Variants in ARHGEF4 observed in about 807,000 individuals in gnomAD.
ARHGEF4 encodes the protein APC-stimulated guanine nucleotide exchange factor 1.
A neutral mutation model predicts 162.0 loss-of-function variants in ARHGEF4; 119 were observed. That is an observed-to-expected ratio of 0.73 (90% CI 0.63 to 0.86). ARHGEF4 has a LOEUF of 0.86. Among genes scored for constraint, ARHGEF4 ranks in the 40% least tolerant of loss-of-function variants. The pLI is 0.00. For missense variants in ARHGEF4, 2,488 were observed against 2,456.0 expected (o/e 1.01, Z -0.28); for synonymous variants, 1,014 against 979.9 (o/e 1.03, Z -0.65).
chr2:130,964,586 T>TC (rs1684879508), intron 4 of ARHGEF4, among the ~76,000 whole-genome samples: 1 of 152,214 alleles, frequency 6.6e-6, no homozygotes, highest in Admixed American at 6.5e-5. Context: ...TGTGTTCCTT[T>TC]CCCCAAACTG....
rs899586999 is a variant in ARHGEF4 at position 130,917,484 on chromosome 2, C to T, written c.3538C>T (p.Leu1180Phe). ...GLGTVPWLRDLPGSENHMPWE... is the reference protein window; with the variant it reads ...GLGTVPWLRDFPGSENHMPWE... Reference sequence around the variant, plus strand: ...GGGCACAGTGCCCTGGCTCAGGGACCTTCCTGGGAGTGAGGTGAGTATCTG... The same window carrying T: ...GGGCACAGTGCCCTGGCTCAGGGACTTTCCTGGGAGTGAGGTGAGTATCTG... The change falls in exon 2 of 14, where the codon CTT (leucine) becomes TTT (phenylalanine). Residue 1180 changes from leucine (L) to phenylalanine (F), a missense_variant. Physicochemically the swap from Leu to Phe is conservative, Grantham distance 22. Coordinates refer to ENST00000409359, the MANE Select transcript of ARHGEF4 (RefSeq NM_001367493.1). The T allele has an allele frequency of 1.9e-6, 3 of 1,549,436 alleles. No individual in the cohort carries two copies. The African/African-American group carries it at 4.1e-5, about 21-fold the overall frequency.
chr2:130,920,479 G>T (rs115935989), intron 2 of ARHGEF4, among the ~76,000 whole-genome samples: 4 of 152,152 alleles, frequency 2.6e-5, no homozygotes, highest in African/African-American at 9.7e-5. Context: ...AGTACACTGC[G>T]CCATCAGACC....
At chr2:130,986,974 G>A (rs933541844) in intron 4 of ARHGEF4, among the ~76,000 whole-genome samples, 4 of 152,240 alleles carry the variant, frequency 2.6e-5, no homozygotes, top group African/African-American at 4.8e-5. Context: ...GCAGGGAATT[G>A]AGAATCCTTA....
intron 10 of ARHGEF4, 148 bp downstream of exon 10, chr2:131,042,092 TC>T: frequency 8.1e-7 from 1 of 1,240,496 alleles, no homozygotes; most frequent in Non-Finnish European, 1.1e-6. Flanking sequence ...TGAAAGCCTG[TC>T]CCCAGCGTGG....
At chr2:130,964,286 C>T (rs1684839764) in intron 4 of ARHGEF4, 2 of 984,674 alleles carry the variant, frequency 2.0e-6, no homozygotes, top group African/African-American at 1.7e-5. Context: ...CACGCGCCCT[C>T]CGCGCCCGGG....
chr2:131,001,315 A>C (rs1687747333), intron 4 of ARHGEF4, among the ~76,000 whole-genome samples: 2 of 151,278 alleles, frequency 1.3e-5, no homozygotes, highest in East Asian at 1.9e-4. Flanking sequence ...AAAAAAAAAA[A>C]AAAAAAAAAA....
intron 1 of ARHGEF4, among the ~76,000 whole-genome samples, chr2:130,852,177 GC>G (rs1371766855): frequency 1.3e-5 from 2 of 152,208 alleles, no homozygotes; most frequent in Non-Finnish European, 2.9e-5. Flanking sequence ...GCTCAGGCAG[GC>G]CCTCCCTTCT....
intron 11 of ARHGEF4, 102 bp downstream of exon 11, chr2:131,043,685 A>G: frequency 6.4e-7 from 1 of 1,551,192 alleles, no homozygotes; most frequent in Non-Finnish European, 8.8e-7. Context: ...CAGCCAGACC[A>G]TACCCGGGGA....
intron 4 of ARHGEF4, among the ~76,000 whole-genome samples, chr2:130,959,944 G>A (rs201285139): frequency 6.6e-6 from 1 of 152,238 alleles, no homozygotes; most frequent in East Asian, 1.9e-4. Flanking sequence ...GAATTTCATT[G>A]ACCACCTTCA....
intron 4 of ARHGEF4, among the ~76,000 whole-genome samples, chr2:131,015,940 C>A (rs923774237): frequency 6.6e-6 from 1 of 152,224 alleles, no homozygotes; most frequent in East Asian, 1.9e-4. Context: ...ATCCCAGTCC[C>A]GCAGCGCAGA....
intron 4 of ARHGEF4, among the ~76,000 whole-genome samples, chr2:130,975,082 A>C (rs1157761592): frequency 1.3e-5 from 2 of 152,132 alleles, no homozygotes; most frequent in Non-Finnish European, 2.9e-5. Context: ...CCTTGGGTAC[A>C]TGGACGGATG....
intron 4 of ARHGEF4, among the ~76,000 whole-genome samples, chr2:130,988,895 TATATATAGAGAGAGAGAGAGAG>T (rs1201601350): frequency 3.4e-4 from 37 of 109,102 alleles, no homozygotes; most frequent in Admixed American, 3.1e-3. Flanking sequence ...TATATATATA[TATATATAGAGAGAGAGAGAGAG>T]AGAGAGAGAG....
At chr2:131,000,587 T>G (rs1256565498) in intron 4 of ARHGEF4, among the ~76,000 whole-genome samples, 1 of 152,220 alleles carries the variant, frequency 6.6e-6, no homozygotes, top group Non-Finnish European at 1.5e-5. Context: ...GGTTTTTCTT[T>G]TTTTAACTAC....
At chr2:131,011,825 A>T in intron 4 of ARHGEF4, 1 of 743,034 alleles carries the variant, frequency 1.3e-6, no homozygotes, top group Non-Finnish European at 2.4e-6. Context: ...GGTATTGTGC[A>T]GAGGGAAGAC....
At chr2:130,966,656 G>T (rs1462948358) in intron 4 of ARHGEF4, among the ~76,000 whole-genome samples, 1 of 152,220 alleles carries the variant, frequency 6.6e-6, no homozygotes, top group Non-Finnish European at 1.5e-5. Flanking sequence ...GTGCCAGCGA[G>T]GACGGGCAGC....
chr2:131,012,644 A>G (rs1688531437), intron 4 of ARHGEF4, among the ~76,000 whole-genome samples: 1 of 152,094 alleles, frequency 6.6e-6, no homozygotes, highest in African/African-American at 2.4e-5. Context: ...GCAGTGGTGT[A>G]AACTTGGCTC....
intron 1 of ARHGEF4, among the ~76,000 whole-genome samples, chr2:130,896,425 T>C (rs1333530657): frequency 6.6e-6 from 1 of 152,238 alleles, no homozygotes; most frequent in Non-Finnish European, 1.5e-5. Flanking sequence ...GCCATGTAAC[T>C]GTTCTGAGCC....
chr2:130,853,892 G>A (rs543723909), intron 1 of ARHGEF4, among the ~76,000 whole-genome samples: 1 of 152,298 alleles, frequency 6.6e-6, no homozygotes, highest in Non-Finnish European at 1.5e-5. Flanking sequence ...TAGCCTTGAA[G>A]GATGGACAGT....
Position 130,914,950 on chromosome 2 carries a change from T to C in ARHGEF4, c.1004T>C (p.Val335Ala). The C allele has an allele frequency of 6.5e-7, 1 of 1,548,760 alleles. No individual in the cohort carries two copies. Among genetic ancestry groups the C allele is most frequent in the Non-Finnish European group, 8.7e-7 (1 of 1,146,032 alleles). The change falls in exon 2 of 14, where the codon GTC becomes GCC. Residue 335 changes from valine (V) to alanine (A), a missense_variant. Around this residue, in one of 6 missense-constraint regions of ARHGEF4, gnomAD observed 1,642 missense variants for 1,481.5 expected, o/e 1.11. Transcript: ENST00000409359. The part of the protein sequence containing the change: ...RLNCGHMRAL[V>A]RAHSIAGFSP... ...AACTGTGGGCACATGAGGGCACTGG[T>C]CAGGGCCCATTCCATAGCAGGGTTT... is the stretch of plus-strand genomic sequence containing the variant.
Sources: allele counts gnomAD v4.1 joint callset (sites outside exome capture counted in the v4.1 genomes callset), GRCh38; gene constraint gnomAD v4.1.1; regional missense constraint gnomAD v4.1.1; transcripts MANE v1.5; gene names NCBI Gene and HGNC (gene_info 2026-07-23, HGNC 2026-07-21).